Variants in OPA3 observed in about 807,000 individuals in gnomAD.
OPA3 encodes outer mitochondrial membrane lipid metabolism regulator OPA3, also known as optic atrophy 3 protein.
Under a neutral mutation model 4.0 loss-of-function variants are expected in OPA3, and 6 were observed. The ratio of observed to expected loss-of-function variants is 1.51; its 90% CI spans 0.83 to 2.99. The LOEUF is 2.99. Ranked by LOEUF, OPA3 falls within the 30% of genes most tolerant of loss-of-function variation. OPA3 has a pLI of 0.00. For missense variants in OPA3, 235 were observed against 256.2 expected (o/e 0.92, Z 0.56); for synonymous variants, 105 against 117.1 (o/e 0.90, Z 0.67).
intron 1 of OPA3, among the ~76,000 whole-genome samples, chr19:45,533,628 T>TA (rs1470484434): frequency 3.6e-4 from 55 of 152,306 alleles, no homozygotes; most frequent in African/African-American, 1.3e-3. Context: ...AGTTCACCAG[T>TA]AAGTCCGTAC....
chr19:45,582,764 C>T (rs1969875534), intron 1 of OPA3, among the ~76,000 whole-genome samples: 3 of 152,140 alleles, frequency 2.0e-5, no homozygotes, highest in Admixed American at 6.6e-5. Flanking sequence ...ATCTCAAGCA[C>T]TGATCTTAGG....
chr19:45,582,777 C>T (rs1184018857), intron 1 of OPA3, among the ~76,000 whole-genome samples: 1 of 152,094 alleles, frequency 6.6e-6, no homozygotes, highest in Non-Finnish European at 1.5e-5. Flanking sequence ...ATCTTAGGAG[C>T]AGTTTAGGGA....
At position 45,551,992 on chromosome 19, in the gene OPA3, G is replaced by C. The variant is rs926324308; in HGVS notation, c.*1522C>G. The C allele has an allele frequency of 1.0e-6, 1 of 985,576 alleles. No individual in the cohort carries two copies. The highest frequency in any genetic ancestry group is 4.7e-5 in the South Asian group (1 of 21,290). 61.1% of individuals were successfully genotyped at this position (985,576 alleles called of 1,614,324 possible). On this transcript the variant is annotated 3_prime_UTR_variant, in exon 2 of 2. Coordinates refer to ENST00000263275, the MANE Select transcript of OPA3 (RefSeq NM_025136.4). ...CAGGGACTCTGAGGACAGGAAAATA[G>C]GGGGCTGAGGCTGAAGGACAGGCTG...
intron 1 of OPA3, among the ~76,000 whole-genome samples, chr19:45,536,244 AT>A (rs1268250442): frequency 1.2e-4 from 15 of 123,848 alleles, no homozygotes; most frequent in South Asian, 2.7e-4. Flanking sequence ...AAAAAAAAAA[AT>A]TAAAAAAAAA....
chr19:45,565,232 C>T (rs1410742477), intron 1 of OPA3, among the ~76,000 whole-genome samples: 1 of 151,726 alleles, frequency 6.6e-6, no homozygotes, highest in Non-Finnish European at 1.5e-5. Context: ...GACTCCGTCT[C>T]AAAAAACAAA....
chr19:45,548,453 C>A lies in OPA3; in HGVS notation c.*5061G>T. 1.0e-6 allele frequency: 1 copy of A among 985,440 alleles called. No homozygotes were observed. The highest frequency in any genetic ancestry group is 1.2e-6 in the Non-Finnish European group (1 of 829,942). 61.0% of individuals were successfully genotyped at this position (985,440 alleles called of 1,614,324 possible). On this transcript the variant is annotated 3_prime_UTR_variant, in exon 2 of 2. Coordinates refer to ENST00000263275, the MANE Select transcript of OPA3 (RefSeq NM_025136.4). The stretch of plus-strand genomic sequence containing the variant: ...AATGGGTTTATAGTCCTGAGTCACT[C>A]CAGAGGGAGGATTCCGGATTCAGCC...
chr19:45,582,583 G>GGGAA (rs1351022269), intron 1 of OPA3, among the ~76,000 whole-genome samples: 15 of 152,084 alleles, frequency 9.9e-5, no homozygotes, highest in Non-Finnish European at 1.9e-4. Flanking sequence ...GATGGGTGAG[G>GGGAA]GGAAGCCAGT....
intron 1 of OPA3, among the ~76,000 whole-genome samples, chr19:45,572,256 TA>T (rs1244637951): frequency 1.4e-5 from 2 of 138,466 alleles, no homozygotes; most frequent in Non-Finnish European, 3.1e-5. Context: ...CTCATATAAA[TA>T]AAAAATAAAA....
intron 1 of OPA3, among the ~76,000 whole-genome samples, chr19:45,582,210 G>A (rs2122523264): frequency 6.6e-6 from 1 of 151,646 alleles, no homozygotes; most frequent in South Asian, 2.1e-4. Flanking sequence ...GCCTGGGCTG[G>A]AATGAAGTGA....
chr19:45,549,866 T>G lies in OPA3; in HGVS notation c.*3648A>C. On this transcript the variant is annotated 3_prime_UTR_variant, in exon 2 of 2. Transcript: ENST00000263275. ...CCCCCTCTTCCAGAAGGAACTGAAA[T>G]GCTGTTTCAGGCCAGGCGCGGTGGC... 1.0e-6 allele frequency: 1 copy of G among 985,464 alleles called. No homozygotes were observed. The highest frequency in any genetic ancestry group is 1.2e-6 in the Non-Finnish European group (1 of 830,100). 61.0% of individuals were successfully genotyped at this position (985,464 alleles called of 1,614,324 possible). A position where few individuals can be genotyped will look rare whatever the true frequency, so the allele number is the denominator to read the frequency against.
At chr19:45,573,792 A>C (rs776462156) in intron 1 of OPA3, among the ~76,000 whole-genome samples, 2 of 152,242 alleles carry the variant, frequency 1.3e-5, no homozygotes, top group Non-Finnish European at 2.9e-5. Flanking sequence ...CACACCACGT[A>C]AACAGCAGGG....
chr19:45,575,628 A>T (rs1568410379), intron 1 of OPA3, among the ~76,000 whole-genome samples: 1 of 152,092 alleles, frequency 6.6e-6, no homozygotes, highest in Non-Finnish European at 1.5e-5. Flanking sequence ...ATTATTTGAG[A>T]CAGGGTCTTG....
intron 1 of OPA3, among the ~76,000 whole-genome samples, chr19:45,568,337 G>T (rs901167784): frequency 7.2e-5 from 11 of 151,936 alleles, no homozygotes; most frequent in Non-Finnish European, 1.2e-4. Flanking sequence ...TTACAGGCAT[G>T]CCCCACCACA....
At position 45,550,180 on chromosome 19, in the gene OPA3, G is replaced by A. The variant is rs1412159160; in HGVS notation, c.*3334C>T. 2.0e-6 allele frequency: 2 copies of A among 981,700 alleles called. No homozygotes were observed. Among genetic ancestry groups the A allele is most frequent in the Non-Finnish European group, 2.4e-6 (2 of 826,720 alleles). The allele number at this position is 981,700 out of a possible 1,614,324, so 60.8% of individuals were successfully genotyped here. On this transcript the variant is annotated 3_prime_UTR_variant, in exon 2 of 2. Coordinates refer to ENST00000263275, the MANE Select transcript of OPA3 (RefSeq NM_025136.4). Reference sequence around the variant, plus strand: ...CGAAAGAAAAGAAAAGAAAAAAGAAGAGAAAAGAAGAAAAGAAAAGTTTCA... The same window carrying A: ...CGAAAGAAAAGAAAAGAAAAAAGAAAAGAAAAGAAGAAAAGAAAAGTTTCA...
In OPA3 at chr19:45,547,696, G is replaced by A. The variant is rs900361206; in HGVS notation, c.*5818C>T. The A allele has an allele frequency of 6.6e-6, 1 of 152,394 alleles. No homozygotes were observed. The allele number at this position is 152,394 out of a possible 1,614,324, so 9.4% of individuals were successfully genotyped here. On this transcript the variant is annotated 3_prime_UTR_variant, in exon 2 of 2. Coordinates refer to ENST00000263275, the MANE Select transcript of OPA3 (RefSeq NM_025136.4). The stretch of plus-strand genomic sequence containing the variant: ...GTCCTCATCACCCTATGCTGGATTA[G>A]CTTTTTCCTTTTTTTTTTGAGATGG...
intron 1 of OPA3, among the ~76,000 whole-genome samples, chr19:45,572,633 AAT>A (rs71173182): frequency 5.9e-5 from 8 of 135,258 alleles, no homozygotes; most frequent in African/African-American, 1.1e-4. Flanking sequence ...TATGTATATA[AAT>A]ATATATATCG....
At chr19:45,580,741 C>A (rs1014814160) in intron 1 of OPA3, among the ~76,000 whole-genome samples, 1 of 151,986 alleles carries the variant, frequency 6.6e-6, no homozygotes, top group African/African-American at 2.4e-5. Context: ...GCCTCAGCCT[C>A]CCAAGTAGCT....
In OPA3 at chr19:45,550,067, A is replaced by G. The variant is rs1322208871; in HGVS notation, c.*3447T>C. On this transcript the variant is annotated 3_prime_UTR_variant, in exon 2 of 2. Transcript: ENST00000263275. ...CAGCTACTTCGGAAGCTGAGGCAGG[A>G]TCATTGGTTGAGCCTGGGAGGTAGA... 4.0e-6 allele frequency: 2 copies of G among 499,900 alleles called. No homozygotes were observed. Among genetic ancestry groups the G allele is most frequent in the East Asian group, 3.0e-4 (2 of 6,582 alleles). The allele number at this position is 499,900 out of a possible 1,614,324, so 31.0% of individuals were successfully genotyped here. A position where few individuals can be genotyped will look rare whatever the true frequency, so the allele number is the denominator to read the frequency against.
intron 1 of OPA3, among the ~76,000 whole-genome samples, chr19:45,529,909 T>A (rs1489780410): frequency 6.6e-6 from 1 of 152,034 alleles, no homozygotes; most frequent in Non-Finnish European, 1.5e-5. Context: ...AATTTTTTAA[T>A]TTTTTGTAGA....
Sources: allele counts gnomAD v4.1 joint callset (sites outside exome capture counted in the v4.1 genomes callset), GRCh38; gene constraint gnomAD v4.1.1; transcripts MANE v1.5; gene names NCBI Gene and HGNC (gene_info 2026-07-23, HGNC 2026-07-21).